Variants in ME3 observed in about 807,000 individuals in gnomAD.
The protein encoded by ME3 is NADP-dependent malic enzyme, mitochondrial.
A neutral mutation model predicts 68.9 loss-of-function variants in ME3; 48 were observed. The observed-to-expected ratio is 0.70, with a 90% CI of 0.55 to 0.89. ME3 has a LOEUF of 0.89. ME3 is among the 40% of genes least tolerant of loss of function. The pLI, the probability that ME3 is intolerant of heterozygous loss-of-function variation, is 0.00. For missense variants in ME3, 675 were observed against 797.4 expected, an observed-to-expected ratio of 0.85 and a Z score of 1.85; for synonymous variants, 320 against 318.8, an observed-to-expected ratio of 1.00 and a Z score of -0.04.
chr11:86,641,694 C>T (rs1944683446), intron 2 of ME3, among the ~76,000 whole-genome samples: 1 of 152,114 alleles, frequency 6.6e-6, no homozygotes, highest in Admixed American at 6.6e-5. Flanking sequence ...TCTAGTCTCC[C>T]AGGGATTTTT....
At chr11:86,663,456 A>G (rs535929474) in intron 2 of ME3, among the ~76,000 whole-genome samples, 1 of 152,262 alleles carries the variant, frequency 6.6e-6, no homozygotes, top group South Asian at 2.1e-4. Context: ...TATCCATCAC[A>G]TTTTCCTCAC....
At chr11:86,534,166 A>T (rs1242965426) in intron 4 of ME3, among the ~76,000 whole-genome samples, 1 of 145,736 alleles carries the variant, frequency 6.9e-6, no homozygotes, top group Non-Finnish European at 1.5e-5. Context: ...GCAGAACTGG[A>T]AGTTGCTCTG....
chr11:86,545,254 G>A (rs1292145707), intron 4 of ME3, among the ~76,000 whole-genome samples: 1 of 152,112 alleles, frequency 6.6e-6, no homozygotes, highest in Non-Finnish European at 1.5e-5. Flanking sequence ...TTTGAAAACT[G>A]GCACAAGACA....
intron 2 of ME3, among the ~76,000 whole-genome samples, chr11:86,648,557 G>T (rs1460617060): frequency 6.6e-6 from 1 of 151,426 alleles, no homozygotes; most frequent in Non-Finnish European, 1.5e-5. Context: ...TGGTTCTTTG[G>T]AAAGATTAAC....
At chr11:86,503,644 C>T (rs1952867000) in intron 5 of ME3, among the ~76,000 whole-genome samples, 1 of 152,366 alleles carries the variant, frequency 6.6e-6, no homozygotes, top group East Asian at 1.9e-4. Context: ...AATCTAACCT[C>T]TGACAATGAG....
intron 4 of ME3, among the ~76,000 whole-genome samples, chr11:86,538,336 T>C (rs1955826496): frequency 6.6e-6 from 1 of 152,184 alleles, no homozygotes; most frequent in Non-Finnish European, 1.5e-5. Context: ...TCTGAACCGC[T>C]TGTCTAAGGA....
intron 2 of ME3, among the ~76,000 whole-genome samples, chr11:86,633,702 C>G (rs1483712912): frequency 6.6e-6 from 1 of 152,186 alleles, no homozygotes; most frequent in African/African-American, 2.4e-5. Flanking sequence ...CAGAGGGCAA[C>G]AGAGGACCGT....
chr11:86,442,519 A>G (rs1949056137), intron 14 of ME3, among the ~76,000 whole-genome samples: 1 of 152,150 alleles, frequency 6.6e-6, no homozygotes, highest in African/African-American at 2.4e-5. Context: ...TTTCTTATAA[A>G]TGGGCGCTTA....
downstream of ME3, among the ~76,000 whole-genome samples, chr11:86,438,216 C>T (rs942315518): frequency 7.9e-5 from 12 of 151,956 alleles, no homozygotes; most frequent in Middle Eastern, 3.4e-3. Context: ...ATGCTTTCTT[C>T]GTATCTATTG....
At chr11:86,476,548 G>T (rs1247182518) in intron 7 of ME3, among the ~76,000 whole-genome samples, 2 of 152,154 alleles carry the variant, frequency 1.3e-5, no homozygotes, top group Admixed American at 1.3e-4. Flanking sequence ...GGTTACTTGA[G>T]GGGGTGACTG....
chr11:86,552,427 G>A (rs1397587675), intron 4 of ME3, among the ~76,000 whole-genome samples: 3 of 152,178 alleles, frequency 2.0e-5, no homozygotes, highest in Non-Finnish European at 4.4e-5. Flanking sequence ...AGAATCCAGT[G>A]TGAGCAAGAA....
At position 86,619,705 on chromosome 11, in the gene ME3, T is replaced by G. The variant is rs112163151; in HGVS notation, c.183+52057A>C. On this transcript the variant is annotated intron_variant, in intron 2 of 14. Transcript: ENST00000543262. ...AGACTTCCCCAGCCACGTGGAACTG[T>G]GAGTCCATTAAGCCTCCTTTTCTTT... Among the ~76,000 whole-genome samples the G allele has an allele frequency of 5.3e-3, 809 of 152,384 alleles. 3 individuals are homozygous for G. The highest frequency in any genetic ancestry group is 0.018 in the African/African-American group (755 of 41,596).
intron 5 of ME3, among the ~76,000 whole-genome samples, chr11:86,501,175 T>TATAATAATAATAATAATAATAATA (rs5793199): frequency 0.029 from 4,244 of 147,120 alleles, 84 homozygotes; most frequent in Middle Eastern, 0.06. Flanking sequence ...ATAAAATGCA[T>TATAATAATAATAATAATAATAATA]ATAATAATAA....
chr11:86,495,983 C>G (rs967308637), intron 6 of ME3, among the ~76,000 whole-genome samples: 3 of 152,174 alleles, frequency 2.0e-5, no homozygotes, highest in Admixed American at 2.0e-4. Context: ...CATCTCATTC[C>G]CACCCCCAGG....
At chr11:86,568,572 T>G (rs1957612722) in intron 2 of ME3, among the ~76,000 whole-genome samples, 1 of 152,238 alleles carries the variant, frequency 6.6e-6, no homozygotes, top group South Asian at 2.1e-4. Flanking sequence ...TGAAATTTAC[T>G]GGCATCAGAG....
chr11:86,532,983 C>G (rs1350025911), intron 4 of ME3, among the ~76,000 whole-genome samples: 1 of 151,632 alleles, frequency 6.6e-6, no homozygotes, highest in African/African-American at 2.4e-5. Flanking sequence ...ACCCAGGAGG[C>G]AGAGGTTGCA....
chr11:86,439,822 G>A (rs539137898), downstream of ME3, among the ~76,000 whole-genome samples: 10 of 152,142 alleles, frequency 6.6e-5, no homozygotes, highest in South Asian at 6.3e-4. Flanking sequence ...ATGTAGCAGC[G>A]ATACAGAGGA....
chr11:86,620,398 G>T (rs1358219788), intron 2 of ME3, among the ~76,000 whole-genome samples: 6 of 152,152 alleles, frequency 3.9e-5, no homozygotes, highest in Non-Finnish European at 8.8e-5. Flanking sequence ...TTATTGAAAA[G>T]ACATCAGTGA....
intron 13 of ME3, among the ~76,000 whole-genome samples, chr11:86,445,928 A>G (rs925688470): frequency 6.6e-6 from 1 of 151,838 alleles, no homozygotes; most frequent in African/African-American, 2.4e-5. Context: ...TGATTTGGTT[A>G]AGGCCTGTGG....
Sources: allele counts gnomAD v4.1 joint callset (sites outside exome capture counted in the v4.1 genomes callset), GRCh38; gene constraint gnomAD v4.1.1; transcripts MANE v1.5; gene names NCBI Gene and HGNC (gene_info 2026-07-23, HGNC 2026-07-21).